Variants in C18orf54 observed in about 807,000 individuals in gnomAD.
C18orf54 encodes lung adenoma susceptibility protein 2.
In C18orf54, 49 loss-of-function variants were observed where a neutral mutation model predicts 49.3. The observed-to-expected ratio is 0.99, with a 90% CI of 0.79 to 1.26. The LOEUF (loss-of-function observed/expected upper bound fraction) is 1.26, where lower values mean the gene tolerates loss of function less well. Among genes scored for constraint, C18orf54 ranks in the 50% most tolerant of loss-of-function variants. C18orf54 has a pLI of 0.00. For synonymous variants in C18orf54, 211 were observed against 216.6 expected (o/e 0.97, Z 0.23); for missense variants, 687 against 620.6 (o/e 1.11, Z -1.14).
chr18:54,362,270 A>G lies in C18orf54; in HGVS notation c.911A>G (p.Asn304Ser), dbSNP rs1363609679. Reference protein sequence around the residue: ...HQAQGTSRLINKLDCFEYAFE... With the variant: ...HQAQGTSRLISKLDCFEYAFE... ...GCACAAGGAACTTCTCGGCTTATCA[A>G]TAAATTAGATTGTTTTGAATATGCT... The change falls in exon 4 of 9, where the codon AAT becomes AGT. Residue 304 changes from asparagine to serine, a missense_variant. Physicochemically the swap from Asn to Ser is conservative, Grantham distance 46 (BLOSUM62 1). Transcript: ENST00000620105. 14 of 1,536,320 alleles carry G rather than the reference A, an allele frequency of 9.1e-6. No homozygotes were observed. In the East Asian group the frequency reaches 2.2e-4, roughly 24 times the overall value.
At chr18:54,370,416 A>G (rs998023396) in intron 6 of C18orf54, among the ~76,000 whole-genome samples, 1 of 152,196 alleles carries the variant, frequency 6.6e-6, no homozygotes, top group African/African-American at 2.4e-5. Context: ...ATACTGTGCC[A>G]TTTTATAATC....
rs1008784445 is a variant in C18orf54 at position 54,379,904 on chromosome 18, C to T, written c.*1658C>T. On this transcript the variant is annotated 3_prime_UTR_variant, in exon 9 of 9. Coordinates refer to ENST00000620105, the MANE Select transcript of C18orf54 (RefSeq NM_001288980.2). ...AAATTATGACTGAAAAGCACCTATT[C>T]GGTTAGTGCTCCTATTCATGAGAAC... is the stretch of plus-strand genomic sequence containing the variant. 2.0e-5 allele frequency: 3 copies of T among 151,912 alleles called. No individual in the cohort carries two copies. Among genetic ancestry groups the T allele is most frequent in the Admixed American group, 6.6e-5 (1 of 15,244 alleles). 9.4% of individuals were successfully genotyped at this position (151,912 alleles called of 1,614,324 possible).
In C18orf54 at chr18:54,362,049, A is replaced by G. The variant is rs1339326371; in HGVS notation, c.690A>G (p.Glu230=). ...AATCGTCTTTCAAGGACAGTTCAGA[A>G]CACAGTCTTGAAAAGAATTACCCAA... The part of the protein sequence containing the change: ...PKKSSFKDSS[E]HSLEKNYPRW... The change falls in exon 4 of 9, where the codon GAA becomes GAG. Residue 230 remains glutamate (E), a synonymous_variant. Coordinates refer to ENST00000620105, the MANE Select transcript of C18orf54 (RefSeq NM_001288980.2). 1.3e-6 allele frequency: 2 copies of G among 1,566,610 alleles called. No individual in the cohort carries two copies. Among genetic ancestry groups the G allele is most frequent in the South Asian group, 1.2e-5 (1 of 86,544 alleles).
chr18:54,373,148 A>T (rs2089517612), intron 7 of C18orf54, among the ~76,000 whole-genome samples: 1 of 151,678 alleles, frequency 6.6e-6, no homozygotes, highest in African/African-American at 2.4e-5. Flanking sequence ...TATATGATGA[A>T]TTTTTTCCCA....
intron 2 of C18orf54, among the ~76,000 whole-genome samples, chr18:54,359,808 A>AAG (rs1453136497): frequency 6.6e-6 from 1 of 152,212 alleles, no homozygotes; most frequent in Admixed American, 6.5e-5. Flanking sequence ...GGAAAAACAG[A>AAG]AGAACACATT....
Position 54,362,905 on chromosome 18 carries a change from A to G in C18orf54, c.1207A>G (p.Asn403Asp), listed in dbSNP as rs766270802. ...ACTTGAAGCAGACAGATCATGGGAA[A>G]ATATTCCTGTTACTTTGTAAGTAAG... ...DKLEADRSWE[N>D]IPVTFKSPVP... Residue 403 changes from asparagine (N) to aspartate (D), a missense_variant, in exon 5 of 9, where the codon AAT (asparagine) becomes GAT (aspartate). By Grantham distance (23) the Asn-to-Asp change is conservative. Coordinates refer to ENST00000620105, the MANE Select transcript of C18orf54 (RefSeq NM_001288980.2). 8.1e-6 allele frequency: 13 copies of G among 1,596,092 alleles called. No homozygotes were observed. The South Asian group carries it at 1.2e-4, about 14-fold the overall frequency.
In C18orf54 at chr18:54,380,475, T is replaced by C. The variant is rs1043955247; in HGVS notation, c.*2229T>C. On this transcript the variant is annotated 3_prime_UTR_variant, in exon 9 of 9. Coordinates refer to ENST00000620105, the MANE Select transcript of C18orf54 (RefSeq NM_001288980.2). ...CCTAATTTCAAAAAACTATTTGAGA[T>C]CAAGGGACAATGGTGTGACCAATAT... 6.6e-6 allele frequency: 1 copy of C among 151,998 alleles called. No homozygotes were observed. The highest frequency in any genetic ancestry group is 2.4e-5 in the African/African-American group (1 of 41,432). 9.4% of individuals were successfully genotyped at this position (151,998 alleles called of 1,614,324 possible). A position where few individuals can be genotyped will look rare whatever the true frequency, so the allele number is the denominator to read the frequency against.
chr18:54,370,546 GT>G (rs1228927694), intron 6 of C18orf54, among the ~76,000 whole-genome samples: 3 of 152,098 alleles, frequency 2.0e-5, no homozygotes, highest in Non-Finnish European at 4.4e-5. Flanking sequence ...TAAATAATTT[GT>G]TTTTTGAATA....
At chr18:54,377,336 A>C (rs1410841888) in intron 8 of C18orf54, among the ~76,000 whole-genome samples, 1 of 152,192 alleles carries the variant, frequency 6.6e-6, no homozygotes, top group Non-Finnish European at 1.5e-5. Context: ...TACAGGCGTG[A>C]GCCACTGCTT....
chr18:54,375,358 C>T (rs2089553076), intron 8 of C18orf54, among the ~76,000 whole-genome samples: 1 of 151,278 alleles, frequency 6.6e-6, no homozygotes, highest in Non-Finnish European at 1.5e-5. Context: ...AAGCGGGATT[C>T]AGATCAGGTA....
chr18:54,362,576 T>C (rs2089294884), intron 4 of C18orf54, 145 bp downstream of exon 4: 1 of 892,462 alleles, frequency 1.1e-6, no homozygotes, highest in African/African-American at 1.7e-5. Context: ...AATCTTCACA[T>C]ACAGCATTTT....
chr18:54,376,706 T>G (rs760512948), intron 8 of C18orf54, among the ~76,000 whole-genome samples: 2 of 152,204 alleles, frequency 1.3e-5, no homozygotes, highest in Non-Finnish European at 2.9e-5. Context: ...ACTTAGTCAA[T>G]GAAGGTGGGA....
intron 6 of C18orf54, among the ~76,000 whole-genome samples, chr18:54,367,754 C>T (rs774334524): frequency 5.3e-5 from 8 of 152,060 alleles, no homozygotes; most frequent in African/African-American, 9.7e-5. Flanking sequence ...TATTCCCAGA[C>T]GTGGGAAATT....
rs1171406126 is a variant in C18orf54 at position 54,360,685 on chromosome 18, T to C, written c.113T>C (p.Phe38Ser). Reference sequence around the variant, plus strand: ...AATTCCTCTAATTCTGATGGCTCGTTTCACTATAAAGATAAGCTGTACAGA... The same window carrying C: ...AATTCCTCTAATTCTGATGGCTCGTCTCACTATAAAGATAAGCTGTACAGA... ...GSNSSNSDGSFHYKDKLYRSA... is the reference protein window; with the variant it reads ...GSNSSNSDGSSHYKDKLYRSA... Residue 38 changes from phenylalanine to serine, a missense_variant, in exon 3 of 9, where the codon TTT becomes TCT. By Grantham distance (155) the Phe-to-Ser change is radical. Coordinates refer to ENST00000620105, the MANE Select transcript of C18orf54 (RefSeq NM_001288980.2). 3.7e-6 allele frequency: 6 copies of C among 1,614,006 alleles called. No homozygotes were observed. Among genetic ancestry groups the C allele is most frequent in the Non-Finnish European group, 5.1e-6 (6 of 1,179,976 alleles).
rs141344588 is a variant in C18orf54, at chr18:54,375,049, C to T, written c.1529+765C>T. ...TATAGTTTTCATAGTTAAAATGTAT[C>T]ATGTATGATTACTTTTTTCTCTCTA... On this transcript the variant is annotated intron_variant, in intron 8 of 8. Transcript: ENST00000620105. Among the ~76,000 whole-genome samples the T allele has an allele frequency of 2.4e-3, 359 of 151,878 alleles. 1 individual carries two copies. The highest frequency in any genetic ancestry group is 5.3e-3 in the Admixed American group (81 of 15,252).
In C18orf54 at chr18:54,362,255, C is replaced by T; in HGVS notation, c.896C>T (p.Thr299Ile). The T allele has an allele frequency of 6.5e-7, 1 of 1,536,426 alleles. No individual in the cohort carries two copies. The change falls in exon 4 of 9, where the codon ACT (threonine) becomes ATT (isoleucine). Residue 299 changes from threonine (T) to isoleucine (I), a missense_variant. By Grantham distance (89) the Thr-to-Ile change is moderately conservative. Transcript: ENST00000620105. ...SPRHSHQAQGTSRLINKLDCF... is the reference protein window; with the variant it reads ...SPRHSHQAQGISRLINKLDCF... ...AGACATAGTCATCAGGCACAAGGAA[C>T]TTCTCGGCTTATCAATAAATTAGAT...
intron 8 of C18orf54, 105 bp from the exon 9 acceptor site, chr18:54,378,069 C>T: frequency 1.5e-6 from 1 of 656,338 alleles, no homozygotes; most frequent in Non-Finnish European, 2.4e-6. Context: ...CTTCTCATAC[C>T]AATTTTGAAG....
intron 6 of C18orf54, among the ~76,000 whole-genome samples, chr18:54,368,662 T>C (rs1308300309): frequency 6.6e-6 from 1 of 152,072 alleles, no homozygotes; most frequent in Admixed American, 6.6e-5. Context: ...TTACTAAAGA[T>C]ACCGATTTTC....
In C18orf54 at chr18:54,362,354, A is replaced by G. The variant is rs1377416528; in HGVS notation, c.995A>G (p.Tyr332Cys). 5.9e-6 allele frequency: 9 copies of G among 1,535,812 alleles called. No individual in the cohort carries two copies. The East Asian group carries it at 1.5e-4, about 25-fold the overall frequency. The stretch of plus-strand genomic sequence containing the variant: ...GATGATAAAGAATTAGTTAATGAAT[A>G]CAAATGTGATTTTGAACATAGCCAG... Reference protein sequence around the residue: ...LSDDKELVNEYKCDFEHSQCQ... With the variant: ...LSDDKELVNECKCDFEHSQCQ... The change falls in exon 4 of 9, where the codon TAC becomes TGC. Residue 332 changes from tyrosine (Y) to cysteine (C), a missense_variant. Tyr to Cys is a radical substitution (Grantham distance 194, BLOSUM62 -2). Transcript: ENST00000620105.
Sources: allele counts gnomAD v4.1 joint callset (sites outside exome capture counted in the v4.1 genomes callset), GRCh38; gene constraint gnomAD v4.1.1; transcripts MANE v1.5; gene names NCBI Gene and HGNC (gene_info 2026-07-23, HGNC 2026-07-21).